Variants in ZNF532 observed in about 807,000 individuals in gnomAD.
The protein encoded by ZNF532 is zinc finger protein 532.
A neutral mutation model predicts 89.3 loss-of-function variants in ZNF532; 22 were observed. That is an observed-to-expected ratio of 0.25 (90% CI 0.18 to 0.35). ZNF532 has a LOEUF of 0.35. ZNF532 is among the 10% of genes least tolerant of loss of function. The pLI, the probability that ZNF532 is intolerant of heterozygous loss-of-function variation, is 1.00. For missense variants in ZNF532, 1,132 were observed against 1,643.4 expected, an observed-to-expected ratio of 0.69 and a Z score of 5.38; for synonymous variants, 606 against 649.6, an observed-to-expected ratio of 0.93 and a Z score of 1.02.
At chr18:58,948,358 G>A in intron 6 of ZNF532, 129 bp downstream of exon 6, 2 of 887,136 alleles carry the variant, frequency 2.3e-6, no homozygotes, top group Non-Finnish European at 3.4e-6. Context: ...GCTGGTCGTT[G>A]TCAGTGAGCA....
chr18:58,953,415 TA>T, intron 6 of ZNF532, 102 bp from the exon 7 acceptor site: 1 of 938,588 alleles, frequency 1.1e-6, no homozygotes, highest in Non-Finnish European at 1.6e-6. Context: ...TGAATGAATA[TA>T]AACTGGTGTT....
intron 3 of ZNF532, 60 bp downstream of exon 3, chr18:58,920,693 T>C (rs2060970352): frequency 1.4e-6 from 2 of 1,432,928 alleles, no homozygotes; most frequent in African/African-American, 1.4e-5. Context: ...GAGTGCTTGA[T>C]AAGATGCCCT....
rs1455350387 is a variant in ZNF532 at position 58,939,978 on chromosome 18, C to A, written c.2705+357C>A. On this transcript the variant is annotated intron_variant, in intron 5 of 9. Transcript: ENST00000591808. ...GTGCGATCTTGGCTCACTGCAACCT[C>A]CGTCTCCTGGGTTCAAGCGATTCTC... 4 of 160,112 alleles carry A rather than the reference C, an allele frequency of 2.5e-5. No individual in the cohort carries two copies. In the East Asian group the frequency reaches 7.2e-4, roughly 29 times the overall value. The allele number at this position is 160,112 out of a possible 1,614,324, so 9.9% of individuals were successfully genotyped here.
At chr18:58,983,810 A>C (rs139854930) in intron 9 of ZNF532, among the ~76,000 whole-genome samples, 162 bp from the exon 10 acceptor site, 2 of 152,246 alleles carry the variant, frequency 1.3e-5, no homozygotes, top group East Asian at 3.9e-4. Flanking sequence ...GAAGAAAGGC[A>C]TGGGCCTCCG....
chr18:58,906,373 A>G (rs2059936767), intron 2 of ZNF532, among the ~76,000 whole-genome samples: 1 of 152,078 alleles, frequency 6.6e-6, no homozygotes, highest in South Asian at 2.1e-4. Flanking sequence ...GGATTGTTCC[A>G]GTTTTCCATG....
At chr18:58,973,160 T>C (rs1231134566) in intron 7 of ZNF532, among the ~76,000 whole-genome samples, 1 of 152,266 alleles carries the variant, frequency 6.6e-6, no homozygotes, top group Non-Finnish European at 1.5e-5. Context: ...TGGAATGCAG[T>C]GGCACTATCT....
intron 2 of ZNF532, among the ~76,000 whole-genome samples, chr18:58,913,667 A>G: frequency 6.6e-6 from 1 of 152,180 alleles, no homozygotes; most frequent in Non-Finnish European, 1.5e-5. Flanking sequence ...GATACAATGA[A>G]GGGTCTCAGT....
At chr18:58,866,289 T>G (rs2056455253) in intron 2 of ZNF532, among the ~76,000 whole-genome samples, 1 of 152,188 alleles carries the variant, frequency 6.6e-6, no homozygotes, top group Non-Finnish European at 1.5e-5. Context: ...GCAGTTAGGT[T>G]TGAGCAGGCA....
chr18:58,928,236 C>T (rs2061683495), intron 3 of ZNF532, among the ~76,000 whole-genome samples: 1 of 152,174 alleles, frequency 6.6e-6, no homozygotes, highest in Admixed American at 6.5e-5. Flanking sequence ...CCTCCCCTTA[C>T]GCATGCCTTT....
At chr18:58,963,603 ATGTGTGTGTGTG>A (rs60644289) in intron 7 of ZNF532, among the ~76,000 whole-genome samples, 29,354 of 143,784 alleles carry the variant, frequency 0.2, 3,723 homozygotes, top group Middle Eastern at 0.34. Flanking sequence ...AAAGAAAAAA[ATGTGTGTGTGTG>A]TGTGTGTGTG....
At chr18:58,916,746 G>A in intron 2 of ZNF532, 1 of 985,278 alleles carries the variant, frequency 1.0e-6, no homozygotes, top group Non-Finnish European at 1.2e-6. Context: ...TATACTGAGG[G>A]TCTTAGCAGC....
intron 7 of ZNF532, among the ~76,000 whole-genome samples, chr18:58,970,856 A>G (rs2066409694): frequency 6.6e-6 from 1 of 152,190 alleles, no homozygotes; most frequent in Non-Finnish European, 1.5e-5. Context: ...TGGTAGCCCC[A>G]CCGTGCCCTG....
intron 2 of ZNF532, among the ~76,000 whole-genome samples, chr18:58,870,358 A>G (rs2056878794): frequency 6.6e-6 from 1 of 152,198 alleles, no homozygotes; most frequent in Admixed American, 6.5e-5. Flanking sequence ...CCAAGCGTCC[A>G]CAGAGGAGCT....
intron 2 of ZNF532, among the ~76,000 whole-genome samples, chr18:58,896,265 A>T (rs1047701380): frequency 2.0e-5 from 3 of 152,090 alleles, no homozygotes; most frequent in African/African-American, 7.2e-5. Flanking sequence ...CTTAACCATA[A>T]GTGTACAGTT....
chr18:58,865,906 G>C lies in ZNF532; in HGVS notation c.-18+327G>C, dbSNP rs1473154350. Among the ~76,000 whole-genome samples, 4 of 152,174 alleles carry C rather than the reference G, an allele frequency of 2.6e-5. 1 individual carries two copies. The highest frequency in any genetic ancestry group is 2.6e-4 in the Admixed American group (4 of 15,278). Reference sequence around the variant, plus strand: ...ATAAGACGAAAGCAGTACACATGTGGCATTTTCCCGATGATTATAAGAAAA... The same window carrying C: ...ATAAGACGAAAGCAGTACACATGTGCCATTTTCCCGATGATTATAAGAAAA... On this transcript the variant is annotated intron_variant, in intron 2 of 9. Coordinates refer to ENST00000591808, the MANE Select transcript of ZNF532 (RefSeq NM_001375912.1).
chr18:58,893,939 C>G (rs981357538), intron 2 of ZNF532, among the ~76,000 whole-genome samples: 1 of 152,134 alleles, frequency 6.6e-6, no homozygotes, highest in Non-Finnish European at 1.5e-5. Flanking sequence ...TGGCTCTTTG[C>G]TTGTCCTGTA....
At chr18:58,888,741 T>TTTTATATATATATAAAATATATATATAA (rs1555709058) in intron 2 of ZNF532, among the ~76,000 whole-genome samples, 19,295 of 30,056 alleles carry the variant, frequency 0.64, 6,964 homozygotes, top group Non-Finnish European at 0.71. Flanking sequence ...TATATATATA[T>TTTTATATATATATAAAATATATATATAA]TTTATATATA....
chr18:58,867,478 A>G (rs1157422374), intron 2 of ZNF532, among the ~76,000 whole-genome samples: 1 of 150,574 alleles, frequency 6.6e-6, no homozygotes, highest in Non-Finnish European at 1.5e-5. Context: ...AGGTATAACA[A>G]TGTAGCAGGC....
At chr18:58,915,135 G>A (rs2060513551) in intron 2 of ZNF532, among the ~76,000 whole-genome samples, 1 of 152,174 alleles carries the variant, frequency 6.6e-6, no homozygotes, top group African/African-American at 2.4e-5. Flanking sequence ...AAAAAGAAGT[G>A]TGAAGTTACA....
Sources: gnomAD v4.1 joint callset for allele counts (sites outside exome capture counted in the v4.1 genomes callset) on GRCh38, gnomAD v4.1.1 for gene constraint, MANE v1.5 for transcripts, NCBI Gene and HGNC (gene_info 2026-07-23, HGNC 2026-07-21) for gene names.